The following IGSF11 variants were observed in gnomAD, a reference collection of about 807,000 sequenced individuals.
The protein encoded by IGSF11 is CXADR like 1.
In IGSF11, 22 loss-of-function variants were observed where a neutral mutation model predicts 41.0. The ratio of observed to expected loss-of-function variants is 0.54; its 90% confidence interval spans 0.38 to 0.77. The LOEUF is 0.77. Ranked by LOEUF, IGSF11 falls within the 30% of genes least tolerant of loss-of-function variation. IGSF11 has a pLI of 0.00. For synonymous variants in IGSF11, 219 were observed against 201.3 expected (o/e 1.09, Z -0.74); for missense variants, 444 against 530.8 (o/e 0.84, Z 1.61).
intron 1 of IGSF11, among the ~76,000 whole-genome samples, chr3:118,999,848 G>T (rs1936635984): frequency 6.6e-6 from 1 of 151,924 alleles, no homozygotes; most frequent in Admixed American, 6.6e-5. Context: ...AAGGTCTTGG[G>T]TCCAAAAAAG....
chr3:119,028,197 G>C (rs140270049), intron 1 of IGSF11, among the ~76,000 whole-genome samples: 2 of 152,308 alleles, frequency 1.3e-5, no homozygotes, highest in East Asian at 3.9e-4. Context: ...TGCAGACTGA[G>C]AGTGTGGTCC....
chr3:119,070,597 G>A (rs960224288), intron 1 of IGSF11, among the ~76,000 whole-genome samples: 5 of 151,638 alleles, frequency 3.3e-5, no homozygotes, highest in African/African-American at 1.2e-4. Flanking sequence ...AAGAGTTTAT[G>A]TACATGTTTT....
intron 1 of IGSF11, among the ~76,000 whole-genome samples, chr3:118,976,334 T>C (rs1028290610): frequency 1.3e-5 from 2 of 152,258 alleles, no homozygotes; most frequent in Non-Finnish European, 2.9e-5. Context: ...TTTTGGCTAA[T>C]GGTAACAGGC....
At chr3:119,054,908 C>T (rs1364864311) in intron 1 of IGSF11, among the ~76,000 whole-genome samples, 4 of 152,172 alleles carry the variant, frequency 2.6e-5, no homozygotes, top group Admixed American at 2.0e-4. Context: ...ACCTGAGTAG[C>T]CTAACTGGGA....
intron 1 of IGSF11, among the ~76,000 whole-genome samples, chr3:119,029,222 A>G: frequency 7.6e-6 from 1 of 131,146 alleles, no homozygotes. Flanking sequence ...TAGACATGGT[A>G]CTGCCTTTTG....
chr3:118,952,335 G>A (rs1944634805), intron 1 of IGSF11, among the ~76,000 whole-genome samples: 1 of 152,096 alleles, frequency 6.6e-6, no homozygotes, highest in African/African-American at 2.4e-5. Flanking sequence ...TTTCATGAAA[G>A]ATTTCTCTGT....
In IGSF11 at chr3:118,904,745, T is replaced by A. The variant is rs148272557; in HGVS notation, c.757A>T (p.Ile253Phe). The part of the protein sequence containing the change: ...IAGAIGTGAV[I>F]IIFCIALILG... ...ATTAGTGCAATGCAAAAAATGATAA[T>A]AACTGCACCAGTGCCAATGGCTCCA... is the stretch of plus-strand genomic sequence containing the variant. Residue 253 changes from isoleucine to phenylalanine, a missense_variant, in exon 6 of 7, where the codon ATT becomes TTT. Ile to Phe is a conservative substitution (Grantham distance 21, BLOSUM62 0). Around this residue, in one of 3 missense-constraint regions of IGSF11, gnomAD observed 223 missense variants for 226.2 expected, o/e 0.99. Coordinates refer to ENST00000393775, the MANE Select transcript of IGSF11 (RefSeq NM_001015887.3). 5 of 1,613,724 alleles carry A rather than the reference T, an allele frequency of 3.1e-6. No homozygotes were observed. Among genetic ancestry groups the A allele is most frequent in the Non-Finnish European group, 4.2e-6 (5 of 1,179,748 alleles).
chr3:119,043,662 C>T (rs1189585005), intron 1 of IGSF11, among the ~76,000 whole-genome samples: 1 of 152,226 alleles, frequency 6.6e-6, no homozygotes, highest in Non-Finnish European at 1.5e-5. Context: ...CACAACACAC[C>T]TCTGCCACCT....
chr3:119,123,368 C>G (rs754387963), intron 1 of IGSF11, among the ~76,000 whole-genome samples: 1 of 152,196 alleles, frequency 6.6e-6, no homozygotes, highest in Non-Finnish European at 1.5e-5. Flanking sequence ...GTTTTTTACT[C>G]CAGTCCCTGG....
At chr3:118,984,513 G>A (rs1935065572) in intron 1 of IGSF11, among the ~76,000 whole-genome samples, 1 of 152,084 alleles carries the variant, frequency 6.6e-6, no homozygotes, top group Non-Finnish European at 1.5e-5. Flanking sequence ...GATCTGGGAT[G>A]TTTTACCTTA....
At chr3:119,058,808 G>A (rs572166122) in intron 1 of IGSF11, among the ~76,000 whole-genome samples, 1 of 152,310 alleles carries the variant, frequency 6.6e-6, no homozygotes, top group East Asian at 1.9e-4. Context: ...AAAATGATGA[G>A]TTCATGTCCT....
chr3:118,967,349 C>T (rs968492537), intron 1 of IGSF11, among the ~76,000 whole-genome samples: 3 of 152,184 alleles, frequency 2.0e-5, no homozygotes, highest in East Asian at 1.9e-4. Context: ...TCTTTCTTTA[C>T]ATTCTCTATT....
At chr3:118,971,802 CAAA>C (rs11370113) in intron 1 of IGSF11, among the ~76,000 whole-genome samples, 4 of 88,982 alleles carry the variant, frequency 4.5e-5, no homozygotes, top group Admixed American at 1.1e-4. Flanking sequence ...GACTCCGTCT[CAAA>C]AAAAAAAAAA....
At chr3:119,034,393 A>G in intron 1 of IGSF11, 138 bp downstream of exon 1, 2 of 862,388 alleles carry the variant, frequency 2.3e-6, no homozygotes, top group South Asian at 5.1e-5. Context: ...GGCCGCAGCA[A>G]CGAACGCCGC....
chr3:119,103,287 G>A (rs1242190616), intron 1 of IGSF11, among the ~76,000 whole-genome samples: 2 of 152,106 alleles, frequency 1.3e-5, no homozygotes, highest in African/African-American at 2.4e-5. Context: ...GTGAGCCGCC[G>A]CGCCCGGCCC....
chr3:119,130,393 C>T (rs2077465002), intron 1 of IGSF11, among the ~76,000 whole-genome samples: 1 of 152,224 alleles, frequency 6.6e-6, no homozygotes, highest in Admixed American at 6.5e-5. Context: ...AACGAGCAGA[C>T]CAGGAGATTC....
chr3:119,111,353 A>T (rs1158292024), intron 1 of IGSF11, among the ~76,000 whole-genome samples: 2 of 151,908 alleles, frequency 1.3e-5, no homozygotes, highest in African/African-American at 4.8e-5. Flanking sequence ...ATCTTCCATC[A>T]CTGATACCCT....
intron 1 of IGSF11, among the ~76,000 whole-genome samples, chr3:118,933,220 C>T (rs988540740): frequency 3.9e-5 from 6 of 152,116 alleles, no homozygotes; most frequent in East Asian, 3.8e-4. Context: ...CTGTACAAAT[C>T]GGGTTTAAAA....
At chr3:118,952,940 T>C (rs185794537) in intron 1 of IGSF11, among the ~76,000 whole-genome samples, 1 of 152,132 alleles carries the variant, frequency 6.6e-6, no homozygotes, top group East Asian at 1.9e-4. Context: ...GAACAGGTGG[T>C]GTTTGGTTAC....
Sources: allele counts gnomAD v4.1 joint callset (sites outside exome capture counted in the v4.1 genomes callset), GRCh38; gene constraint gnomAD v4.1.1; regional missense constraint gnomAD v4.1.1; transcripts MANE v1.5; gene names NCBI Gene and HGNC (gene_info 2026-07-23, HGNC 2026-07-21).